The following ANK2 variants were observed in gnomAD, a reference collection of about 807,000 sequenced individuals.
The protein encoded by ANK2 is ankyrin-2.
In ANK2, 83 loss-of-function variants were observed where a neutral mutation model predicts 360.5. The observed-to-expected ratio is 0.23, with a 90% CI of 0.19 to 0.28. ANK2 has a LOEUF of 0.28. ANK2 is among the 10% of genes least tolerant of loss of function. The pLI, the probability that ANK2 is intolerant of heterozygous loss-of-function variation, is 1.00. For missense variants in ANK2, 4,201 were observed against 4,795.7 expected (o/e 0.88, Z 3.66); for synonymous variants, 1,740 against 1,759.5 (o/e 0.99, Z 0.28).
At chr4:112,946,621 A>T (rs1171631250) in intron 2 of ANK2, among the ~76,000 whole-genome samples, 4 of 152,186 alleles carry the variant, frequency 2.6e-5, no homozygotes, top group Admixed American at 2.6e-4. Flanking sequence ...TATACAGGAA[A>T]CTGGGAGCAT....
At chr4:112,873,174 T>C (rs1386972452) in intron 1 of ANK2, among the ~76,000 whole-genome samples, 2 of 152,090 alleles carry the variant, frequency 1.3e-5, no homozygotes, top group African/African-American at 2.4e-5. Context: ...AATCAACTTT[T>C]GGTTTTGTTG....
chr4:113,093,136 C>A (rs977951219), intron 1 of ANK2, among the ~76,000 whole-genome samples: 4 of 152,068 alleles, frequency 2.6e-5, no homozygotes, highest in Admixed American at 2.0e-4. Flanking sequence ...CTGGCAGTAA[C>A]CAATTATTAT....
intron 1 of ANK2, among the ~76,000 whole-genome samples, chr4:113,171,883 C>A (rs929877397): frequency 1.3e-5 from 2 of 152,140 alleles, no homozygotes; most frequent in African/African-American, 4.8e-5. Context: ...CCCCATCAGA[C>A]CATCATTGCC....
At chr4:113,156,389 A>ATTTTTTC (rs1562481290) in intron 1 of ANK2, among the ~76,000 whole-genome samples, 1 of 137,990 alleles carries the variant, frequency 7.2e-6, no homozygotes, top group African/African-American at 2.7e-5. Context: ...TTTGTTTTTG[A>ATTTTTTC]GACAGAGTTT....
chr4:112,948,439 A>G (rs1258573381), intron 2 of ANK2, among the ~76,000 whole-genome samples: 8 of 152,146 alleles, frequency 5.3e-5, no homozygotes, highest in Non-Finnish European at 1.2e-4. Flanking sequence ...GAAATTGGTA[A>G]TTAAAGCTGG....
At chr4:112,877,819 G>T (rs1580323338) in intron 1 of ANK2, among the ~76,000 whole-genome samples, 1 of 152,174 alleles carries the variant, frequency 6.6e-6, no homozygotes, top group East Asian at 1.9e-4. Flanking sequence ...AATGCTGGAG[G>T]TAAAACCTCC....
the ANK2 span, among the ~76,000 whole-genome samples, chr4:112,757,885 A>ATTT: frequency 1.4e-5 from 2 of 147,176 alleles, no homozygotes. Context: ...CTAAAGATGG[A>ATTT]TTTTTTTTTT....
intron 23 of ANK2, among the ~76,000 whole-genome samples, chr4:113,308,728 G>A (rs984079297): frequency 2.4e-4 from 37 of 152,222 alleles, no homozygotes; most frequent in African/African-American, 7.9e-4. Context: ...AAATAAAGAA[G>A]GTCTAAGAGT....
chr4:112,938,862 G>A (rs1201689413), intron 2 of ANK2, among the ~76,000 whole-genome samples: 1 of 152,120 alleles, frequency 6.6e-6, no homozygotes, highest in Non-Finnish European at 1.5e-5. Flanking sequence ...ACTCCATGAA[G>A]GTAAAAATTT....
At chr4:113,301,533 G>T (rs1309880510) in intron 22 of ANK2, among the ~76,000 whole-genome samples, 1 of 151,826 alleles carries the variant, frequency 6.6e-6, no homozygotes, top group African/African-American at 2.4e-5. Flanking sequence ...ATACTACATT[G>T]TTATTAACTG....
chr4:112,944,930 C>T (rs2094456834), intron 2 of ANK2, among the ~76,000 whole-genome samples: 1 of 152,192 alleles, frequency 6.6e-6, no homozygotes, highest in African/African-American at 2.4e-5. Flanking sequence ...AGTTGACTTT[C>T]TTAGACCAAG....
At chr4:113,060,038 C>T (rs940021270) in intron 1 of ANK2, among the ~76,000 whole-genome samples, 14 of 152,126 alleles carry the variant, frequency 9.2e-5, no homozygotes, top group Non-Finnish European at 1.3e-4. Flanking sequence ...TAACACACTG[C>T]GATTATCCCA....
chr4:113,155,486 T>G (rs934283778), intron 1 of ANK2, among the ~76,000 whole-genome samples: 46 of 152,104 alleles, frequency 3.0e-4, no homozygotes, highest in African/African-American at 1.0e-3. Context: ...TTTCCACAAT[T>G]GGAAGAAATT....
chr4:113,060,452 T>TA (rs566318437), intron 1 of ANK2, among the ~76,000 whole-genome samples: 94 of 152,106 alleles, frequency 6.2e-4, no homozygotes, highest in African/African-American at 2.1e-3. Context: ...CAGATGGGTT[T>TA]AAAAAAACCC....
At chr4:113,352,914 A>T in intron 37 of ANK2, 131 bp from the exon 38 acceptor site, 1 of 982,488 alleles carries the variant, frequency 1.0e-6, no homozygotes, top group Non-Finnish European at 1.5e-6. Flanking sequence ...TACCATTCCC[A>T]GCCCATTTTG....
chr4:113,346,040 A>G lies in ANK2; in HGVS notation c.4371+18A>G, dbSNP rs770089158. ...ATACAAAGGTATCGTAAAATCTGCTATAGTGCAATTCAGGTAGAGTAGGAA... is the reference window on the plus strand; with the variant it reads ...ATACAAAGGTATCGTAAAATCTGCTGTAGTGCAATTCAGGTAGAGTAGGAA... On this transcript the variant is annotated intron_variant, in intron 35 of 45. Coordinates refer to ENST00000357077, the MANE Select transcript of ANK2 (RefSeq NM_001148.6). 7 of 1,612,734 alleles carry G rather than the reference A, an allele frequency of 4.3e-6. No homozygotes were observed. Among genetic ancestry groups the G allele is most frequent in the Non-Finnish European group, 5.9e-6 (7 of 1,178,914 alleles).
upstream of ANK2, among the ~76,000 whole-genome samples, chr4:113,049,069 G>A (rs2065803269): frequency 6.6e-6 from 1 of 152,138 alleles, no homozygotes; most frequent in African/African-American, 2.4e-5. Context: ...ACATTGGAAA[G>A]AGAAGGCACA....
At chr4:112,854,015 G>T (rs2065699553) in intron 1 of ANK2, among the ~76,000 whole-genome samples, 1 of 152,222 alleles carries the variant, frequency 6.6e-6, no homozygotes, top group South Asian at 2.1e-4. Flanking sequence ...AGGAAGCCTA[G>T]ATTCTAGTAT....
intron 4 of ANK2, among the ~76,000 whole-genome samples, chr4:113,220,956 G>A (rs2099144011): frequency 6.6e-6 from 1 of 152,186 alleles, no homozygotes; most frequent in African/African-American, 2.4e-5. Flanking sequence ...CTGCTTTCAC[G>A]AAGTGTATAG....
Sources: allele counts gnomAD v4.1 joint callset (sites outside exome capture counted in the v4.1 genomes callset), GRCh38; gene constraint gnomAD v4.1.1; transcripts MANE v1.5; gene names NCBI Gene and HGNC (gene_info 2026-07-23, HGNC 2026-07-21).